The following ADAMTSL1 variants were observed in gnomAD, a reference collection of about 807,000 sequenced individuals.
The protein encoded by ADAMTSL1 is ADAMTS-like protein 1.
Under a neutral mutation model 201.8 loss-of-function variants are expected in ADAMTSL1, and 126 were observed. The observed-to-expected ratio is 0.62, with a 90% CI of 0.54 to 0.72. The LOEUF is 0.72. Ranked by LOEUF, ADAMTSL1 falls within the 30% of genes least tolerant of loss-of-function variation. ADAMTSL1 has a pLI of 0.00. For synonymous variants in ADAMTSL1, 1,121 were observed against 903.4 expected (o/e 1.24, Z -4.32); for missense variants, 2,679 against 2,277.8 (o/e 1.18, Z -3.59).
At chr9:18,768,812 C>A (rs1820514254) in intron 16 of ADAMTSL1, among the ~76,000 whole-genome samples, 1 of 152,182 alleles carries the variant, frequency 6.6e-6, no homozygotes, top group Admixed American at 6.5e-5. Context: ...CTGGTCGTAA[C>A]AGAGACCTCT....
At chr9:18,625,138 C>G (rs1826278171) in intron 5 of ADAMTSL1, among the ~76,000 whole-genome samples, 1 of 152,210 alleles carries the variant, frequency 6.6e-6, no homozygotes, top group African/African-American at 2.4e-5. Context: ...GTTCTCCACA[C>G]CTGGAGGAGT....
At chr9:18,643,177 T>A (rs1199593743) in intron 7 of ADAMTSL1, among the ~76,000 whole-genome samples, 1 of 152,122 alleles carries the variant, frequency 6.6e-6, no homozygotes. Flanking sequence ...TGATTAATGA[T>A]GTTGAGCATT....
At chr9:18,731,675 G>A (rs540159244) in intron 15 of ADAMTSL1, among the ~76,000 whole-genome samples, 1 of 152,270 alleles carries the variant, frequency 6.6e-6, no homozygotes, top group South Asian at 2.1e-4. Context: ...GGCTGTACAG[G>A]AAGCATAGCA....
intron 2 of ADAMTSL1, among the ~76,000 whole-genome samples, chr9:18,197,040 T>A (rs940263452): frequency 6.6e-6 from 1 of 152,280 alleles, no homozygotes; most frequent in South Asian, 2.1e-4. Flanking sequence ...CAACTGCATT[T>A]ATCTGATTGT....
At chr9:17,960,830 T>C (rs1412483481) in intron 1 of ADAMTSL1, among the ~76,000 whole-genome samples, 2 of 152,200 alleles carry the variant, frequency 1.3e-5, no homozygotes, top group Non-Finnish European at 2.9e-5. Context: ...ATCAGCAGCT[T>C]GCACAGTGTC....
At chr9:18,699,343 G>A (rs1347334893) in intron 13 of ADAMTSL1, among the ~76,000 whole-genome samples, 1 of 131,042 alleles carries the variant, frequency 7.6e-6, no homozygotes, top group Non-Finnish European at 1.6e-5. Context: ...TTTTTTTTGA[G>A]AGACTGGGTC....
chr9:18,394,275 GAA>G (rs1297480559), intron 2 of ADAMTSL1, among the ~76,000 whole-genome samples: 3 of 152,126 alleles, frequency 2.0e-5, no homozygotes, highest in Non-Finnish European at 2.9e-5. Context: ...TAAAAATAGT[GAA>G]AAGTTTTTAA....
At chr9:18,838,698 T>C (rs977910490) in intron 23 of ADAMTSL1, among the ~76,000 whole-genome samples, 2 of 151,546 alleles carry the variant, frequency 1.3e-5, no homozygotes, top group African/African-American at 2.4e-5. Context: ...GGCATGGTGG[T>C]GCAGGCCTGT....
intron 2 of ADAMTSL1, among the ~76,000 whole-genome samples, chr9:18,334,276 A>T (rs1329233083): frequency 6.6e-6 from 1 of 152,156 alleles, no homozygotes; most frequent in African/African-American, 2.4e-5. Context: ...TGAACCTCTG[A>T]TTAGGCTCTA....
intron 1 of ADAMTSL1, among the ~76,000 whole-genome samples, chr9:17,914,667 G>T (rs1826021808): frequency 6.6e-6 from 1 of 151,606 alleles, no homozygotes; most frequent in Admixed American, 6.6e-5. Flanking sequence ...GGAAGTTCTG[G>T]CCAGGGCAAT....
intron 7 of ADAMTSL1, among the ~76,000 whole-genome samples, chr9:18,648,927 G>A (rs909573474): frequency 6.6e-6 from 1 of 152,150 alleles, no homozygotes; most frequent in African/African-American, 2.4e-5. Context: ...GAATCTGAAT[G>A]TTGGCCTGCC....
intron 2 of ADAMTSL1, among the ~76,000 whole-genome samples, chr9:18,415,276 C>T (rs1486713822): frequency 6.6e-6 from 1 of 152,074 alleles, no homozygotes; most frequent in African/African-American, 2.4e-5. Context: ...GTTGAATTAG[C>T]AGACAAAGAC....
chr9:18,440,540 A>C (rs1222086265), intron 2 of ADAMTSL1, among the ~76,000 whole-genome samples: 1 of 151,722 alleles, frequency 6.6e-6, no homozygotes, highest in Non-Finnish European at 1.5e-5. Flanking sequence ...TTTTAGGTTA[A>C]ATTTTTAGGT....
Position 17,990,246 on chromosome 9 carries a change from G to A in ADAMTSL1, c.87+83324G>A, listed in dbSNP as rs190735254. Among the ~76,000 whole-genome samples, 697 of 152,084 alleles carry A rather than the reference G, an allele frequency of 4.6e-3. 5 individuals are homozygous for A. Among genetic ancestry groups the A allele is most frequent in the African/African-American group, 0.016 (649 of 41,534 alleles). ...TATAAGCTTTCCTTTTATGTAGCAA[G>A]CTCGACCTTTGGAAAAGTTAGAGAA... On this transcript the variant is annotated intron_variant, in intron 1 of 29. Coordinates refer to the ADAMTSL1 transcript ENST00000680146.
chr9:18,229,154 TAGG>T (rs1162441188), intron 2 of ADAMTSL1, among the ~76,000 whole-genome samples: 3 of 152,140 alleles, frequency 2.0e-5, no homozygotes, highest in Non-Finnish European at 4.4e-5. Context: ...AGTATTATTT[TAGG>T]AGGAGGTGAG....
chr9:18,038,571 TAAAGG>T (rs1821303454), intron 1 of ADAMTSL1, among the ~76,000 whole-genome samples: 1 of 152,168 alleles, frequency 6.6e-6, no homozygotes, highest in African/African-American at 2.4e-5. Flanking sequence ...CTATTTTGCC[TAAAGG>T]ATTTCAAAGG....
At chr9:18,534,744 A>T (rs1341819627) in intron 3 of ADAMTSL1, among the ~76,000 whole-genome samples, 1 of 152,216 alleles carries the variant, frequency 6.6e-6, no homozygotes, top group Non-Finnish European at 1.5e-5. Context: ...TCTTCTGCAC[A>T]CCTGCAGGAC....
intron 2 of ADAMTSL1, among the ~76,000 whole-genome samples, chr9:18,293,855 T>C (rs1833369129): frequency 6.6e-6 from 1 of 152,162 alleles, no homozygotes; most frequent in Admixed American, 6.5e-5. Context: ...AAGTACTAAA[T>C]AAGGAATATG....
At chr9:18,350,176 C>T (rs1368839250) in intron 2 of ADAMTSL1, among the ~76,000 whole-genome samples, 1 of 151,962 alleles carries the variant, frequency 6.6e-6, no homozygotes, top group Non-Finnish European at 1.5e-5. Context: ...CACCTGGTCC[C>T]CAGGTGTGTA....
Sources: allele counts gnomAD v4.1 joint callset (sites outside exome capture counted in the v4.1 genomes callset), GRCh38; gene constraint gnomAD v4.1.1; transcripts MANE v1.5; gene names NCBI Gene and HGNC (gene_info 2026-07-23, HGNC 2026-07-21).